TMLHE: variants seen among roughly 807,000 people sequenced by gnomAD.
TMLHE encodes trimethyllysine dioxygenase, mitochondrial.
A neutral mutation model predicts 25.7 loss-of-function variants in TMLHE; 18 were observed. The observed-to-expected ratio is 0.70, with a 90% CI of 0.48 to 1.04. The LOEUF (loss-of-function observed/expected upper bound fraction) is 1.04, where lower values mean the gene tolerates loss of function less well. Among genes scored for constraint, TMLHE ranks in the 50% least tolerant of loss-of-function variants. The pLI is 0.00. For missense variants in TMLHE, 236 were observed against 259.0 expected (o/e 0.91, Z 0.61); for synonymous variants, 105 against 97.0 (o/e 1.08, Z -0.49).
In TMLHE at chrX:155,567,497, T is replaced by G. The variant is rs1440607604; in HGVS notation, c.-1-22220A>C. Among the ~76,000 whole-genome samples, 2 of 61,571 alleles carry G rather than the reference T, an allele frequency of 3.2e-5. 1 individual carries two copies. The highest frequency in any genetic ancestry group is 1.4e-3 in the East Asian group (2 of 1,402). 53.5% of individuals were successfully genotyped at this position (61,571 alleles called of 115,157 possible). A position where few individuals can be genotyped will look rare whatever the true frequency, so the allele number is the denominator to read the frequency against. On this transcript the variant is annotated intron_variant, in intron 1 of 7. Coordinates refer to ENST00000334398, the MANE Select transcript of TMLHE (RefSeq NM_018196.4). The stretch of plus-strand genomic sequence containing the variant: ...AATCACCCATAATAGATACCTAAAA[T>G]AAATACAGGGGACACAGGAATAGCT...
chrX:155,514,447 G>A (rs1433856873), intron 3 of TMLHE, among the ~76,000 whole-genome samples, 182 bp from the exon 4 acceptor site: 3 of 111,451 alleles, frequency 2.7e-5, no homozygotes, highest in Admixed American at 9.5e-5. Context: ...TGTGGTTTGA[G>A]TGGTATGCAT....
intron 1 of TMLHE, among the ~76,000 whole-genome samples, chrX:155,553,981 TATTCATTC>T (rs56360611): frequency 0.055 from 5,474 of 99,680 alleles, 191 homozygotes; most frequent in African/African-American, 0.072. Context: ...TTACTATTTT[TATTCATTC>T]ATTCATTCAT....
At chrX:155,595,033 T>C (rs1158385202) in intron 1 of TMLHE, among the ~76,000 whole-genome samples, 1 of 112,052 alleles carries the variant, frequency 8.9e-6, no homozygotes, top group Non-Finnish European at 1.9e-5. Context: ...GCATAAAATA[T>C]ATTTAGATGC....
chrX:155,548,528 GTAT>G (rs2067377112), intron 1 of TMLHE, among the ~76,000 whole-genome samples: 2 of 108,577 alleles, frequency 1.8e-5, no homozygotes, highest in Non-Finnish European at 3.8e-5. Flanking sequence ...AAGGTCAGCA[GTAT>G]GAGGCCAGCC....
At chrX:155,548,499 G>A (rs2067374416) in intron 1 of TMLHE, among the ~76,000 whole-genome samples, 2 of 108,588 alleles carry the variant, frequency 1.8e-5, no homozygotes, top group Non-Finnish European at 3.8e-5. Flanking sequence ...ACTTTGGGAG[G>A]TCAAGGCGGG....
chrX:155,603,372 A>ATG (rs1557347535), intron 1 of TMLHE, among the ~76,000 whole-genome samples: 4 of 25,531 alleles, frequency 1.6e-4, no homozygotes, highest in Non-Finnish European at 5.5e-4. Flanking sequence ...GAAAGAATGA[A>ATG]AGAAAGAAAG....
chrX:155,566,802 T>C (rs2067512795), intron 1 of TMLHE, among the ~76,000 whole-genome samples: 1 of 61,815 alleles, frequency 1.6e-5, no homozygotes, highest in South Asian at 9.8e-4. Flanking sequence ...CTCTCTTCAC[T>C]CTATATAAAA....
chrX:155,584,131 A>T (rs1436400380), intron 1 of TMLHE, among the ~76,000 whole-genome samples: 1 of 110,835 alleles, frequency 9.0e-6, no homozygotes, highest in Non-Finnish European at 1.9e-5. Flanking sequence ...TCAAGATATG[A>T]ATTAGAAATT....
In TMLHE at chrX:155,568,530, C is replaced by T. The variant is rs782806753; in HGVS notation, c.-1-23253G>A. On this transcript the variant is annotated intron_variant, in intron 1 of 7. Coordinates refer to ENST00000334398, the MANE Select transcript of TMLHE (RefSeq NM_018196.4). ...GATCTGAGAACAGGCAGACTGCCTC[C>T]TCAAGTGGGTCCCTGACCCCTGACC... Among the ~76,000 whole-genome samples, 262 of 62,435 alleles carry T rather than the reference C, an allele frequency of 4.2e-3. 22 individuals carry two copies. The highest frequency in any genetic ancestry group is 9.1e-3 in the African/African-American group (256 of 28,035). 54.2% of individuals were successfully genotyped at this position (62,435 alleles called of 115,157 possible). A position where few individuals can be genotyped will look rare whatever the true frequency, so the allele number is the denominator to read the frequency against.
At chrX:155,551,470 G>A (rs1557340048) in intron 1 of TMLHE, among the ~76,000 whole-genome samples, 3 of 105,105 alleles carry the variant, frequency 2.9e-5, no homozygotes, top group Non-Finnish European at 5.8e-5. Flanking sequence ...TTCCACAATG[G>A]TTGAATTAAT....
chrX:155,542,727 C>T (rs2067320049), intron 2 of TMLHE, among the ~76,000 whole-genome samples: 1 of 111,524 alleles, frequency 9.0e-6, no homozygotes, highest in South Asian at 3.8e-4. Flanking sequence ...GTTGTCCCCC[C>T]TTTAACACTT....
At chrX:155,515,788 T>C (rs782017289) in intron 3 of TMLHE, among the ~76,000 whole-genome samples, 2 of 110,895 alleles carry the variant, frequency 1.8e-5, no homozygotes, top group African/African-American at 6.5e-5. Context: ...CAAACTATGG[T>C]TGATGAGTCA....
chrX:155,553,394 G>T (rs958549539), intron 1 of TMLHE, among the ~76,000 whole-genome samples: 1 of 108,521 alleles, frequency 9.2e-6, no homozygotes, highest in Non-Finnish European at 1.9e-5. Context: ...CTTCTTGGTG[G>T]ATTGCCCCTG....
At chrX:155,518,468 G>T (rs1390094688) in intron 3 of TMLHE, among the ~76,000 whole-genome samples, 21 of 93,626 alleles carry the variant, frequency 2.2e-4, no homozygotes, top group Non-Finnish European at 4.3e-4. Flanking sequence ...CAAGGATATT[G>T]GTCTAAAATT....
chrX:155,547,246 G>T (rs1431888324), intron 1 of TMLHE, among the ~76,000 whole-genome samples: 3 of 90,685 alleles, frequency 3.3e-5, no homozygotes, highest in African/African-American at 7.5e-5. Flanking sequence ...CCGGGTTCAC[G>T]CCATTCTCCT....
At chrX:155,536,190 G>C (rs924451367) in intron 2 of TMLHE, among the ~76,000 whole-genome samples, 5 of 111,305 alleles carry the variant, frequency 4.5e-5, no homozygotes, top group Non-Finnish European at 7.5e-5. Context: ...ACAAGACTGT[G>C]AGTATCTTGA....
chrX:155,508,182 A>G (rs1336644078), intron 5 of TMLHE, among the ~76,000 whole-genome samples: 15 of 111,389 alleles, frequency 1.3e-4, no homozygotes, highest in Non-Finnish European at 2.5e-4. Context: ...GTTAACAGGG[A>G]AAGGTAAGGT....
intron 1 of TMLHE, among the ~76,000 whole-genome samples, chrX:155,548,827 T>C (rs1296775425): frequency 9.1e-6 from 1 of 110,240 alleles, no homozygotes; most frequent in Non-Finnish European, 1.9e-5. Context: ...AAAACACATA[T>C]GGTCAATATG....
At chrX:155,537,057 C>T (rs1267636615) in intron 2 of TMLHE, among the ~76,000 whole-genome samples, 4 of 112,176 alleles carry the variant, frequency 3.6e-5, no homozygotes, top group Non-Finnish European at 7.5e-5. Flanking sequence ...CATATAACCT[C>T]TCCATTTACA....
Sources: allele counts gnomAD v4.1 joint callset (sites outside exome capture counted in the v4.1 genomes callset), GRCh38; gene constraint gnomAD v4.1.1; transcripts MANE v1.5; gene names NCBI Gene and HGNC (gene_info 2026-07-23, HGNC 2026-07-21).